Variants in CDH8 observed in about 807,000 individuals in gnomAD.
CDH8 encodes cadherin-8.
A neutral mutation model predicts 68.1 loss-of-function variants in CDH8; 17 were observed. That is an observed-to-expected ratio of 0.25 (90% CI 0.17 to 0.37). The LOEUF (loss-of-function observed/expected upper bound fraction) is 0.37. CDH8 is among the 10% of genes least tolerant of loss of function. CDH8 has a pLI of 1.00. For missense variants in CDH8, 763 were observed against 999.3 expected (o/e 0.76, Z 3.19); for synonymous variants, 372 against 365.1 (o/e 1.02, Z -0.21).
intron 8 of CDH8, among the ~76,000 whole-genome samples, chr16:61,772,053 A>G (rs998702546): frequency 3.3e-5 from 5 of 152,040 alleles, no homozygotes; most frequent in Middle Eastern, 3.4e-3. Context: ...CCAGCTCCTC[A>G]TTTAAACTCT....
chr16:61,759,230 C>T (rs192800991), intron 8 of CDH8, among the ~76,000 whole-genome samples: 1 of 152,052 alleles, frequency 6.6e-6, no homozygotes, highest in Non-Finnish European at 1.5e-5. Flanking sequence ...ACAAAAAAGA[C>T]AGTAAACAAT....
At chr16:61,853,873 C>T (rs1021901659) in intron 4 of CDH8, among the ~76,000 whole-genome samples, 3 of 151,924 alleles carry the variant, frequency 2.0e-5, no homozygotes, top group Admixed American at 6.6e-5. Flanking sequence ...CAAGTACTTG[C>T]TATTCCTGCA....
At chr16:61,736,487 GTTTA>G (rs1044932505) in intron 8 of CDH8, among the ~76,000 whole-genome samples, 3 of 152,144 alleles carry the variant, frequency 2.0e-5, no homozygotes, top group African/African-American at 7.2e-5. Flanking sequence ...GTAGATGAAT[GTTTA>G]TCCCAGGTAT....
At chr16:61,680,508 C>T (rs1359987860) in intron 10 of CDH8, among the ~76,000 whole-genome samples, 1 of 151,740 alleles carries the variant, frequency 6.6e-6, no homozygotes, top group Non-Finnish European at 1.5e-5. Context: ...AATTCCTTCT[C>T]ATACTTTACA....
chr16:61,906,473 C>T (rs1168292002), intron 2 of CDH8, among the ~76,000 whole-genome samples: 1 of 152,170 alleles, frequency 6.6e-6, no homozygotes, highest in Non-Finnish European at 1.5e-5. Context: ...CCTTCAATTT[C>T]AGGAATTCTA....
At chr16:62,033,263 A>T (rs1212824822) in intron 1 of CDH8, among the ~76,000 whole-genome samples, 1 of 152,230 alleles carries the variant, frequency 6.6e-6, no homozygotes, top group East Asian at 1.9e-4. Flanking sequence ...ATTGCTATAA[A>T]TGAATACTGT....
At chr16:61,672,305 C>T (rs2142781213) in intron 10 of CDH8, among the ~76,000 whole-genome samples, 1 of 152,128 alleles carries the variant, frequency 6.6e-6, no homozygotes, top group East Asian at 1.9e-4. Context: ...ATATTAGGTG[C>T]AATTTCTTTA....
intron 2 of CDH8, among the ~76,000 whole-genome samples, chr16:61,994,359 T>C (rs1387264434): frequency 6.6e-6 from 1 of 152,188 alleles, no homozygotes; most frequent in East Asian, 1.9e-4. Context: ...ACAACCATTA[T>C]ATTGCTAATT....
intron 10 of CDH8, among the ~76,000 whole-genome samples, chr16:61,678,608 A>G (rs933393951): frequency 1.4e-4 from 21 of 152,028 alleles, no homozygotes; most frequent in African/African-American, 4.1e-4. Context: ...TACACATGCC[A>G]TGGTGGTTTG....
chr16:61,755,625 G>A (rs1960291995), intron 8 of CDH8, among the ~76,000 whole-genome samples: 1 of 151,978 alleles, frequency 6.6e-6, no homozygotes, highest in Non-Finnish European at 1.5e-5. Flanking sequence ...GCCTATGGAT[G>A]ATTTTGTTCT....
chr16:61,783,489 T>G (rs1361593361), intron 8 of CDH8, among the ~76,000 whole-genome samples: 1 of 151,776 alleles, frequency 6.6e-6, no homozygotes, highest in African/African-American at 2.4e-5. Context: ...ATGGGGAGAA[T>G]GGAACCAAGT....
chr16:61,768,379 T>TCTCTCTCC (rs1960679160), intron 8 of CDH8, among the ~76,000 whole-genome samples: 1 of 100,780 alleles, frequency 9.9e-6, no homozygotes, highest in Admixed American at 1.1e-4. Context: ...CCTTTCTCTC[T>TCTCTCTCC]CTCTCTCTCT....
intron 8 of CDH8, among the ~76,000 whole-genome samples, chr16:61,738,545 T>C (rs1353700064): frequency 6.6e-6 from 1 of 152,194 alleles, no homozygotes; most frequent in South Asian, 2.1e-4. Flanking sequence ...TTATCCTTCA[T>C]AGCCTTTTAA....
intron 2 of CDH8, among the ~76,000 whole-genome samples, chr16:61,911,216 CTGAT>C (rs1456313172): frequency 6.6e-6 from 1 of 151,882 alleles, no homozygotes; most frequent in Admixed American, 6.6e-5. Flanking sequence ...GGATCAATAA[CTGAT>C]TGATAAGAGA....
chr16:61,741,639 C>T (rs1044188844), intron 8 of CDH8, among the ~76,000 whole-genome samples: 2 of 152,080 alleles, frequency 1.3e-5, no homozygotes, highest in Admixed American at 6.5e-5. Context: ...CCCCCTGTGG[C>T]ATCTTTGTTA....
At chr16:61,754,697 A>G (rs1319159546) in intron 8 of CDH8, among the ~76,000 whole-genome samples, 2 of 152,116 alleles carry the variant, frequency 1.3e-5, no homozygotes, top group East Asian at 3.9e-4. Context: ...AATTATTGTT[A>G]ACTATATTTT....
At chr16:61,903,870 T>C (rs1228792362) in intron 2 of CDH8, among the ~76,000 whole-genome samples, 1 of 152,104 alleles carries the variant, frequency 6.6e-6, no homozygotes, top group Non-Finnish European at 1.5e-5. Context: ...TCTGAAAACA[T>C]TGTGATAATC....
At chr16:61,724,306 AC>A (rs1333166656) in intron 9 of CDH8, among the ~76,000 whole-genome samples, 12 of 150,508 alleles carry the variant, frequency 8.0e-5, no homozygotes, top group Non-Finnish European at 1.5e-4. Context: ...AGAGAAAGCG[AC>A]CTCCCTCTTT....
chr16:61,943,324 G>A (rs532134940), intron 2 of CDH8, among the ~76,000 whole-genome samples: 2 of 152,306 alleles, frequency 1.3e-5, no homozygotes, highest in South Asian at 2.1e-4. Context: ...TACGTGTTGC[G>A]TGGTAGATTG....
Sources: gnomAD v4.1 joint callset for allele counts (sites outside exome capture counted in the v4.1 genomes callset) on GRCh38, gnomAD v4.1.1 for gene constraint, MANE v1.5 for transcripts, NCBI Gene and HGNC (gene_info 2026-07-23, HGNC 2026-07-21) for gene names.